UBA7: variants seen among roughly 807,000 people sequenced by gnomAD.
UBA7 encodes the protein ubiquitin like modifier activating enzyme 7.
UBA7 carries 88 observed loss-of-function variants against 113.0 expected under a neutral mutation model. The ratio of observed to expected loss-of-function variants is 0.78; its 90% CI spans 0.66 to 0.93. The LOEUF is 0.93. Among genes scored for constraint, UBA7 ranks in the 40% least tolerant of loss-of-function variants. The pLI, the probability that UBA7 is intolerant of heterozygous loss-of-function variation, is 0.00. For synonymous variants in UBA7, 459 were observed against 513.0 expected (o/e 0.89, Z 1.42); for missense variants, 1,092 against 1,266.4 (o/e 0.86, Z 2.09).
At position 49,807,674 on chromosome 3, in the gene UBA7, A is replaced by G; in HGVS notation, c.2715+62T>C. The G allele has an allele frequency of 2.6e-6, 4 of 1,529,586 alleles. No homozygotes were observed. Among genetic ancestry groups the G allele is most frequent in the East Asian group, 2.3e-5 (1 of 44,062 alleles). 94.8% of individuals were successfully genotyped at this position (1,529,586 alleles called of 1,614,324 possible). A position where few individuals can be genotyped will look rare whatever the true frequency, so the allele number is the denominator to read the frequency against. On this transcript the variant is annotated intron_variant, in intron 21 of 23. Transcript: ENST00000333486. The surrounding 1 kb of genome is among the most constrained non-coding windows in gnomAD (Gnocchi z 4.0). ...AGCCGGCAGCTAGATTGGGGCCTGTATGGGCAGGTGCAGGGGAAACCCAGG... is the reference window on the plus strand; with the variant it reads ...AGCCGGCAGCTAGATTGGGGCCTGTGTGGGCAGGTGCAGGGGAAACCCAGG...
In UBA7 at chr3:49,809,685, G is replaced by A; in HGVS notation, c.1945C>T (p.Leu649Phe). The stretch of plus-strand genomic sequence containing the variant: ...CCAAGCACTGGCTTCAGTAAGGTGA[G>A]TGTCTGTGGCTCATCCATGTCTGCC... ...SLADMDEPQT[L>F]TLLKPVLGVL... Residue 649 changes from leucine (L) to phenylalanine (F), a missense_variant, in exon 16 of 24, where the codon CTC becomes TTC. This residue lies in a region of UBA7 where 500 missense variants were observed against 529.3 expected (regional missense o/e 0.94). Coordinates refer to ENST00000333486, the MANE Select transcript of UBA7 (RefSeq NM_003335.3). 2 of 1,614,148 alleles carry A rather than the reference G, an allele frequency of 1.2e-6. No individual in the cohort carries two copies. Among genetic ancestry groups the A allele is most frequent in the Non-Finnish European group, 1.7e-6 (2 of 1,180,032 alleles).
Position 49,810,509 on chromosome 3 carries a change from G to C in UBA7, c.1467+8C>G. 1 of 1,614,090 alleles carries C rather than the reference G, an allele frequency of 6.2e-7. No homozygotes were observed. Among genetic ancestry groups the C allele is most frequent in the Non-Finnish European group, 8.5e-7 (1 of 1,179,982 alleles). On this transcript the variant is annotated splice_region_variant and intron_variant, in intron 12 of 23. Coordinates refer to ENST00000333486, the MANE Select transcript of UBA7 (RefSeq NM_003335.3). The surrounding 1 kb of genome is among the most constrained non-coding windows in gnomAD (Gnocchi z 5.6). ...GATGCAGGAGTGTGGAGAGGGGTCA[G>C]CACTCACACCAACGTCCTGGGACCT...
In UBA7 at chr3:49,810,506, TCAGCACTC is replaced by T; in HGVS notation, c.1467+3_1467+10del. 1 of 1,613,798 alleles carries T rather than the reference TCAGCACTC, an allele frequency of 6.2e-7. No homozygotes were observed. Among genetic ancestry groups the T allele is most frequent in the South Asian group, 1.1e-5 (1 of 91,062 alleles). ...TGGGATGCAGGAGTGTGGAGAGGGGTCAGCACTCACACCAACGTCCTGGGACCTGAAGA... is the reference window on the plus strand; with the variant it reads ...TGGGATGCAGGAGTGTGGAGAGGGGTACACCAACGTCCTGGGACCTGAAGA... On this transcript the variant is annotated splice_donor_5th_base_variant and intron_variant, in intron 12 of 23. Transcript: ENST00000333486. This position sits in a 1 kb window ranked among gnomAD's most constrained non-coding sequence, Gnocchi z 5.6.
Position 49,809,805 on chromosome 3 carries a change from G to C in UBA7, c.1904+10C>G, listed in dbSNP as rs749063551. 1 of 1,614,158 alleles carries C rather than the reference G, an allele frequency of 6.2e-7. No individual in the cohort carries two copies. Among genetic ancestry groups the C allele is most frequent in the South Asian group, 1.1e-5 (1 of 91,086 alleles). ...CCTGGACTCCCATCTGCCTCTGTTG[G>C]TGGCCTTACTGTTGGTGGTGGTTGA... On this transcript the variant is annotated intron_variant, in intron 15 of 23. Coordinates refer to ENST00000333486, the MANE Select transcript of UBA7 (RefSeq NM_003335.3).
At position 49,813,533 on chromosome 3, in the gene UBA7, G is replaced by T; in HGVS notation, c.171C>A (p.Gly57=). 1 of 1,613,998 alleles carries T rather than the reference G, an allele frequency of 6.2e-7. No individual in the cohort carries two copies. ...VAKNLVLMGV[G]SLTLHDPHPT... ...GGTGGGGATCATGCAGAGTGAGGCT[G>T]CCCACACCCATCAGAACCAAGTTCT... The change falls in exon 2 of 24, where the codon GGC becomes GGA. Residue 57 remains glycine (G), a synonymous_variant. Transcript: ENST00000333486.
At chr3:49,809,189 G>T in intron 17 of UBA7, 30 bp from the exon 18 acceptor site, 1 of 1,588,968 alleles carries the variant, frequency 6.3e-7, no homozygotes. Flanking sequence ...AGGAACAGAG[G>T]CATGGGTGCA....
Position 49,809,078 on chromosome 3 carries a change from C to T in UBA7, c.2245G>A (p.Ala749Thr). Residue 749 changes from alanine to threonine, a missense_variant, in exon 18 of 24, where the codon GCA becomes ACA. Around this residue, in one of 3 missense-constraint regions of UBA7, gnomAD observed 500 missense variants for 529.3 expected, o/e 0.94. Transcript: ENST00000333486. Reference sequence around the variant, plus strand: ...AGCAGCTTCAGCAGCTCCCTGAGTGCAGTCCAGTCCTGTGAGCCAGGCAGC... The same window carrying T: ...AGCAGCTTCAGCAGCTCCCTGAGTGTAGTCCAGTCCTGTGAGCCAGGCAGC... ...HGLPGSQDWT[A>T]LRELLKLLPQ... 6.2e-7 allele frequency: 1 copy of T among 1,613,702 alleles called. No homozygotes were observed. The highest frequency in any genetic ancestry group is 8.5e-7 in the Non-Finnish European group (1 of 1,179,916).
At position 49,813,121 on chromosome 3, in the gene UBA7, G is replaced by A. The variant is rs1559438141; in HGVS notation, c.408C>T (p.Gly136=). The A allele has an allele frequency of 6.2e-7, 1 of 1,614,140 alleles. No individual in the cohort carries two copies. The highest frequency in any genetic ancestry group is 8.5e-7 in the Non-Finnish European group (1 of 1,180,016). ...AAKLEEQLKV[G]TLCHKHGVCF... is the part of the protein sequence containing the mutation. The stretch of plus-strand genomic sequence containing the variant: ...AAACTCCATGCTTATGACACAAGGT[G>A]CCCACCTTCAGCTGCTCCTCCAGCT... Residue 136 remains glycine, a synonymous_variant, in exon 4 of 24, where the codon GGC becomes GGT. Coordinates refer to ENST00000333486, the MANE Select transcript of UBA7 (RefSeq NM_003335.3).
intron 17 of UBA7, 106 bp downstream of exon 17, chr3:49,809,284 T>C (rs1008236930): frequency 1.4e-4 from 222 of 1,538,462 alleles, no homozygotes; most frequent in Non-Finnish European, 1.9e-4. Flanking sequence ...TGCACAAGCA[T>C]GGCTCTCTCT....
chr3:49,811,621 C>T, intron 8 of UBA7, 166 bp from the exon 9 acceptor site: 1 of 1,152,268 alleles, frequency 8.7e-7, no homozygotes, highest in African/African-American at 1.6e-5. Flanking sequence ...CCAGAGGATG[C>T]CCAGTACCAG....
Position 49,813,488 on chromosome 3 carries a change from C to T in UBA7, c.216G>A (p.Leu72=). 4 of 1,613,522 alleles carry T rather than the reference C, an allele frequency of 2.5e-6. No individual in the cohort carries two copies. Among genetic ancestry groups the T allele is most frequent in the Non-Finnish European group, 3.4e-6 (4 of 1,179,762 alleles). Reference sequence around the variant, plus strand: ...CCCCCAGGACACTTACCTGGGCAGCCAGGTCGGACCAGCAGGTGGGGTGGG... The same window carrying T: ...CCCCCAGGACACTTACCTGGGCAGCTAGGTCGGACCAGCAGGTGGGGTGGG... ...HDPHPTCWSD[L]AAQFLLSEQD... is the part of the protein sequence containing the mutation. Residue 72 remains leucine, a synonymous_variant, in exon 2 of 24, where the codon CTG becomes CTA. Transcript: ENST00000333486.
At position 49,813,653 on chromosome 3, in the gene UBA7, G is replaced by C. The variant is rs2081586804; in HGVS notation, c.57-6C>G. Reference sequence around the variant, plus strand: ...CAGGTGAGCCCAGCACATACCTGTGGATGGGAAGCAGAAGGCAAGCAGTTG... The same window carrying C: ...CAGGTGAGCCCAGCACATACCTGTGCATGGGAAGCAGAAGGCAAGCAGTTG... On this transcript the variant is annotated splice_polypyrimidine_tract_variant and splice_region_variant and intron_variant, in intron 1 of 23. Transcript: ENST00000333486. The C allele has an allele frequency of 6.2e-7, 1 of 1,614,130 alleles. No homozygotes were observed. Among genetic ancestry groups the C allele is most frequent in the Admixed American group, 1.7e-5 (1 of 60,012 alleles).
chr3:49,806,404 T>C (rs1353890360), intron 21 of UBA7: 1 of 578,124 alleles, frequency 1.7e-6, no homozygotes, highest in Non-Finnish European at 3.1e-6. Context: ...ATCCATCACA[T>C]GGGCCAGTTG....
rs773920504 is a variant in UBA7 at position 49,812,656 on chromosome 3, T to C, written c.550A>G (p.Ile184Val). 40 of 1,614,054 alleles carry C rather than the reference T, an allele frequency of 2.5e-5. No individual in the cohort carries two copies. Among genetic ancestry groups the C allele is most frequent in the Non-Finnish European group, 3.2e-5 (38 of 1,180,038 alleles). The change falls in exon 5 of 24, where the codon ATC becomes GTC. Residue 184 changes from isoleucine (I) to valine (V), a missense_variant. Coordinates refer to ENST00000333486, the MANE Select transcript of UBA7 (RefSeq NM_003335.3). ...AEPLTAAIQHISQGSPGILTL... is the reference protein window; with the variant it reads ...AEPLTAAIQHVSQGSPGILTL... ...TACAGCTCAGCACCCACCTGGGAGA[T>C]GTGCTGGATGGCAGCTGTCAGGGGT...
Position 49,809,874 on chromosome 3 carries a change from G to A in UBA7, c.1845C>T (p.Ala615=). 2 of 1,614,176 alleles carry A rather than the reference G, an allele frequency of 1.2e-6. No homozygotes were observed. The highest frequency in any genetic ancestry group is 1.7e-6 in the Non-Finnish European group (2 of 1,180,032). ...GGAAGAGTTCTTCAAACTCATGCCGGGCCCACTGTGGAGGAGGGAGGAAGA... is the reference window on the plus strand; with the variant it reads ...GGAAGAGTTCTTCAAACTCATGCCGAGCCCACTGTGGAGGAGGGAGGAAGA... ...PSTAEHTLQW[A]RHEFEELFRL... Residue 615 remains alanine, a synonymous_variant, in exon 15 of 24, where the codon GCC becomes GCT. Transcript: ENST00000333486.
At position 49,805,368 on chromosome 3, in the gene UBA7, C is replaced by G; in HGVS notation, c.2979G>C (p.Glu993Asp). ...PAPGQRVLVL[E>D]LSCEGDDEDT... is the part of the protein sequence containing the mutation. ...CCTCGTCGTCACCCTCACAGCTCAG[C>G]TCTAGCACCAACACCCGCTGCCCAG... The change falls in exon 24 of 24, where the codon GAG (glutamate) becomes GAC (aspartate). Residue 993 changes from glutamate to aspartate, a missense_variant. Transcript: ENST00000333486. The G allele has an allele frequency of 2.5e-6, 4 of 1,613,924 alleles. No individual in the cohort carries two copies. The highest frequency in any genetic ancestry group is 3.4e-6 in the Non-Finnish European group (4 of 1,179,990).
rs769388168 is a variant in UBA7, at chr3:49,810,762, T to G, written c.1301A>C (p.His434Pro). The G allele has an allele frequency of 4.3e-6, 7 of 1,614,162 alleles. No individual in the cohort carries two copies. In the South Asian group the frequency reaches 7.7e-5, roughly 18 times the overall value. ...CACCCCACAGCTCACCAGGAGGTAG[T>G]GCTGGCGTCTCAGTTTCTCCTGAAA... is the stretch of plus-strand genomic sequence containing the variant. ...AGFQEKLRRQ[H>P]YLLVGAGAIG... The change falls in exon 11 of 24, where the codon CAC (histidine) becomes CCC (proline). Residue 434 changes from histidine to proline, a missense_variant. His to Pro is a moderately conservative substitution (Grantham distance 77). Transcript: ENST00000333486. This position sits in a 1 kb window ranked among gnomAD's most constrained non-coding sequence, Gnocchi z 5.6.
rs374312831 is a variant in UBA7, at chr3:49,812,620, A to G, written c.558+28T>C. 5.4e-3 allele frequency: 8,659 copies of G among 1,614,188 alleles called. 472 individuals are homozygous for G. The South Asian group carries it at 0.09, about 17-fold the overall frequency. ...CCCTGGCAGCCTCTCCTTGGTCAGC[A>G]GGTGAATGCCTACAGCTCAGCACCC... On this transcript the variant is annotated intron_variant, in intron 5 of 23. Transcript: ENST00000333486.
In UBA7 at chr3:49,813,461, G is replaced by GC. The variant is rs34487991; in HGVS notation, c.225+17dup. The GC allele has an allele frequency of 1.2e-6, 2 of 1,610,536 alleles. No homozygotes were observed. Among genetic ancestry groups the GC allele is most frequent in the African/African-American group, 1.3e-5 (1 of 74,870 alleles). On this transcript the variant is annotated intron_variant, in intron 2 of 23. Transcript: ENST00000333486. ...CCCCACCTTGGTCTGGCAGCCCATAGCCCCCCAGGACACTTACCTGGGCAG... is the reference window on the plus strand; with the variant it reads ...CCCCACCTTGGTCTGGCAGCCCATAGCCCCCCCAGGACACTTACCTGGGCAG...
Sources: allele counts gnomAD v4.1 joint callset, GRCh38; gene constraint gnomAD v4.1.1; regional missense constraint gnomAD v4.1.1; non-coding constraint Gnocchi (gnomAD v3.1); transcripts MANE v1.5; gene names NCBI Gene and HGNC (gene_info 2026-07-23, HGNC 2026-07-21).